The following STPG2 variants were observed in gnomAD, a reference collection of about 807,000 sequenced individuals.
STPG2 encodes the protein sperm-tail PG-rich repeat-containing protein 2.
STPG2 carries 56 observed loss-of-function variants against 54.2 expected under a neutral mutation model. That is an observed-to-expected ratio of 1.03 (90% CI 0.83 to 1.29). STPG2 has a LOEUF of 1.29. Among genes scored for constraint, STPG2 ranks in the 50% most tolerant of loss-of-function variants. The pLI is 0.00. For synonymous variants in STPG2, 200 were observed against 181.8 expected (o/e 1.10, Z -0.81); for missense variants, 596 against 544.9 (o/e 1.09, Z -0.93).
chr4:97,910,033 T>A (rs1027439771), intron 8 of STPG2, among the ~76,000 whole-genome samples: 10 of 152,198 alleles, frequency 6.6e-5, no homozygotes, highest in African/African-American at 2.4e-4. Context: ...AGTAAATCCC[T>A]GCAGAAAAAC....
At chr4:98,112,717 G>C (rs1048846167) in intron 3 of STPG2, among the ~76,000 whole-genome samples, 1 of 152,074 alleles carries the variant, frequency 6.6e-6, no homozygotes, top group Non-Finnish European at 1.5e-5. Context: ...TGGTGGTAGA[G>C]AATATTGGAG....
intron 8 of STPG2, among the ~76,000 whole-genome samples, chr4:97,863,445 G>T (rs1333202080): frequency 6.6e-6 from 1 of 152,132 alleles, no homozygotes; most frequent in African/African-American, 2.4e-5. Context: ...TGAAATTGAT[G>T]CAATAATTAA....
chr4:98,014,482 C>T (rs1302267473), intron 5 of STPG2, among the ~76,000 whole-genome samples: 3 of 152,062 alleles, frequency 2.0e-5, no homozygotes, highest in Non-Finnish European at 4.4e-5. Context: ...AATTCACCTG[C>T]TGTTTTGGTT....
chr4:97,880,413 A>G (rs1730327346), intron 8 of STPG2, among the ~76,000 whole-genome samples: 1 of 152,176 alleles, frequency 6.6e-6, no homozygotes, highest in African/African-American at 2.4e-5. Context: ...ATGAAAGAAG[A>G]TTGTCTTCAC....
chr4:97,784,682 T>A (rs1237716954), intron 9 of STPG2, among the ~76,000 whole-genome samples: 1 of 148,910 alleles, frequency 6.7e-6, no homozygotes, highest in Admixed American at 6.9e-5. Context: ...CAATGATACA[T>A]GTTGCTTAAT....
chr4:97,966,562 C>T (rs780857604), intron 7 of STPG2, among the ~76,000 whole-genome samples: 1 of 152,086 alleles, frequency 6.6e-6, no homozygotes, highest in African/African-American at 2.4e-5. Context: ...AACCCCAAGA[C>T]ACATAATTGT....
intron 4 of STPG2, among the ~76,000 whole-genome samples, chr4:97,459,737 G>A (rs1729616979): frequency 6.6e-6 from 1 of 152,096 alleles, no homozygotes; most frequent in African/African-American, 2.4e-5. Flanking sequence ...CACCGTGCCC[G>A]GCCAGGATGC....
intron 5 of STPG2, among the ~76,000 whole-genome samples, chr4:98,056,208 AC>A (rs1430404550): frequency 6.6e-6 from 1 of 152,130 alleles, no homozygotes; most frequent in East Asian, 1.9e-4. Flanking sequence ...CTAACACTGC[AC>A]AGAGAACTCC....
intron 5 of STPG2, among the ~76,000 whole-genome samples, chr4:98,059,530 A>T (rs182285765): frequency 6.6e-6 from 1 of 151,508 alleles, no homozygotes; most frequent in African/African-American, 2.4e-5. Context: ...TTGAGGAAAG[A>T]CTCCTCCCCC....
At chr4:97,679,632 G>T (rs983600377) in intron 10 of STPG2, among the ~76,000 whole-genome samples, 2 of 152,024 alleles carry the variant, frequency 1.3e-5, no homozygotes, top group Non-Finnish European at 2.9e-5. Flanking sequence ...TTAGTTTAAC[G>T]AGATCCCATT....
intron 10 of STPG2, among the ~76,000 whole-genome samples, chr4:97,613,742 A>T (rs1733790493): frequency 6.6e-6 from 1 of 152,010 alleles, no homozygotes; most frequent in Non-Finnish European, 1.5e-5. Context: ...AATCTATATT[A>T]TTATTTATTG....
chr4:97,778,172 AG>A, intron 9 of STPG2, among the ~76,000 whole-genome samples: 1 of 152,256 alleles, frequency 6.6e-6, no homozygotes. Flanking sequence ...AGCCAAAGGA[AG>A]GGGTGACAGA....
At chr4:97,447,601 T>A (rs1216539687) in intron 4 of STPG2, among the ~76,000 whole-genome samples, 1 of 152,198 alleles carries the variant, frequency 6.6e-6, no homozygotes, top group African/African-American at 2.4e-5. Flanking sequence ...TTCAAACTGT[T>A]GCTTCAGAGG....
chr4:98,015,390 G>A (rs1735909672), intron 5 of STPG2, among the ~76,000 whole-genome samples: 1 of 152,060 alleles, frequency 6.6e-6, no homozygotes, highest in Non-Finnish European at 1.5e-5. Context: ...ATCAAAAAGT[G>A]GGCAAATGAT....
chr4:97,952,371 C>T (rs572348447), intron 7 of STPG2, among the ~76,000 whole-genome samples: 1 of 152,268 alleles, frequency 6.6e-6, no homozygotes, highest in South Asian at 2.1e-4. Context: ...GAACCCAGTA[C>T]TGCAACTGTG....
chr4:97,866,528 T>C (rs1274623392), intron 8 of STPG2, among the ~76,000 whole-genome samples: 1 of 97,246 alleles, frequency 1.0e-5, no homozygotes, highest in Non-Finnish European at 2.1e-5. Context: ...AAATTCTTTT[T>C]GAAAAAAATC....
At chr4:97,727,854 T>C (rs1724673493) in intron 9 of STPG2, among the ~76,000 whole-genome samples, 1 of 151,912 alleles carries the variant, frequency 6.6e-6, no homozygotes, top group Non-Finnish European at 1.5e-5. Flanking sequence ...ATTTTAGCTA[T>C]GATTCCAGTT....
At chr4:97,941,257 G>A (rs1016879424) in intron 8 of STPG2, among the ~76,000 whole-genome samples, 7 of 151,700 alleles carry the variant, frequency 4.6e-5, no homozygotes, top group Non-Finnish European at 1.0e-4. Context: ...GCTTTAGTTA[G>A]GATCTTCTGA....
At chr4:97,818,494 A>G (rs1392069059) in intron 9 of STPG2, among the ~76,000 whole-genome samples, 1 of 151,762 alleles carries the variant, frequency 6.6e-6, no homozygotes, top group Non-Finnish European at 1.5e-5. Flanking sequence ...GTACTCGCCT[A>G]TTTTCAGACT....
Sources: allele counts gnomAD v4.1 joint callset (sites outside exome capture counted in the v4.1 genomes callset), GRCh38; gene constraint gnomAD v4.1.1; transcripts MANE v1.5; gene names NCBI Gene and HGNC (gene_info 2026-07-23, HGNC 2026-07-21).